Variants in MREG observed in about 807,000 individuals in gnomAD.
MREG encodes the protein dilute suppressor protein homolog.
In MREG, 31 loss-of-function variants were observed where a neutral mutation model predicts 28.5. The observed-to-expected ratio is 1.09, with a 90% CI of 0.82 to 1.47. The LOEUF is 1.47. Ranked by LOEUF, MREG falls within the 40% of genes most tolerant of loss-of-function variation. The probability of loss-of-function intolerance (pLI) is 0.00; values close to 1 mark genes in which losing one functional copy is unlikely to be tolerated. For synonymous variants in MREG, 106 were observed against 95.2 expected (o/e 1.11, Z -0.66); for missense variants, 256 against 257.4 (o/e 0.99, Z 0.04).
intron 2 of MREG, among the ~76,000 whole-genome samples, chr2:215,949,087 C>CTAATAATAATAA (rs58773562): frequency 1.6e-4 from 20 of 124,580 alleles, no homozygotes; most frequent in Admixed American, 3.5e-4. Flanking sequence ...ACTACTACTA[C>CTAATAATAATAA]TAATAATAAT....
intron 1 of MREG, among the ~76,000 whole-genome samples, chr2:216,003,653 C>A (rs575912796): frequency 6.6e-6 from 1 of 152,306 alleles, no homozygotes; most frequent in Admixed American, 6.5e-5. Flanking sequence ...GTGGTCCCGA[C>A]CAAGCACCTG....
At chr2:215,968,461 A>G (rs1232742761) in intron 2 of MREG, among the ~76,000 whole-genome samples, 1 of 152,186 alleles carries the variant, frequency 6.6e-6, no homozygotes, top group South Asian at 2.1e-4. Context: ...CCCAAAGCTC[A>G]TGGGACAGCT....
chr2:215,969,022 GT>G (rs1403279633), intron 2 of MREG, among the ~76,000 whole-genome samples: 3 of 152,194 alleles, frequency 2.0e-5, no homozygotes, highest in Admixed American at 2.0e-4. Context: ...GCCTCCCAAA[GT>G]GCTGGGATTA....
At chr2:215,967,978 G>T (rs1275776188) in intron 2 of MREG, among the ~76,000 whole-genome samples, 1 of 152,172 alleles carries the variant, frequency 6.6e-6, no homozygotes, top group African/African-American at 2.4e-5. Context: ...CATGAATGAG[G>T]TCTAGCAGCT....
At chr2:215,969,258 G>A (rs1384349528) in intron 2 of MREG, among the ~76,000 whole-genome samples, 2 of 152,036 alleles carry the variant, frequency 1.3e-5, no homozygotes, top group South Asian at 2.1e-4. Flanking sequence ...TTAGTTTCCT[G>A]GTGGATTTCA....
Position 215,947,097 on chromosome 2 carries a change from T to C in MREG, c.272A>G (p.Asn91Ser), listed in dbSNP as rs1350233230. 9 of 1,612,352 alleles carry C rather than the reference T, an allele frequency of 5.6e-6. No individual in the cohort carries two copies. In the Admixed American group the frequency reaches 1.5e-4, roughly 27 times the overall value. Residue 91 changes from asparagine to serine, a missense_variant, in exon 3 of 5, where the codon AAC becomes AGC. Physicochemically the swap from Asn to Ser is conservative, Grantham distance 46. Coordinates refer to ENST00000263268, the MANE Select transcript of MREG (RefSeq NM_018000.3). ...AKDSEEWQKL[N>S]YDIHTLRQVR... is the part of the protein sequence containing the mutation. The stretch of plus-strand genomic sequence containing the variant: ...CTGCCGCAGGGTATGGATATCATAG[T>C]TGAGCTTCTGCCACTCCTGCAGGAA...
chr2:216,023,990 TTAA>T (rs1462204036), intron 1 of MREG, among the ~76,000 whole-genome samples: 1 of 152,142 alleles, frequency 6.6e-6, no homozygotes, highest in Non-Finnish European at 1.5e-5. Flanking sequence ...TGATAAATGC[TTAA>T]TATTAAATAT....
intron 2 of MREG, among the ~76,000 whole-genome samples, chr2:215,982,654 G>A (rs1302898940): frequency 6.6e-6 from 1 of 152,070 alleles, no homozygotes; most frequent in Non-Finnish European, 1.5e-5. Context: ...AACTGCTTGG[G>A]AACTTTGTCT....
chr2:216,033,934 A>G (rs1172293968), upstream of MREG: 1 of 152,176 alleles, frequency 6.6e-6, no homozygotes, highest in African/African-American at 2.4e-5. Flanking sequence ...ACATGGGCTC[A>G]GTAATCGCTA....
At chr2:216,000,925 A>G (rs1693999387) in intron 1 of MREG, among the ~76,000 whole-genome samples, 3 of 152,080 alleles carry the variant, frequency 2.0e-5, no homozygotes, top group African/African-American at 7.2e-5. Flanking sequence ...TTATTTTCCT[A>G]TTTTAAAATG....
At chr2:215,986,121 C>T (rs972454044) in intron 2 of MREG, among the ~76,000 whole-genome samples, 2 of 152,118 alleles carry the variant, frequency 1.3e-5, no homozygotes, top group Non-Finnish European at 1.5e-5. Context: ...TTGCTATAAA[C>T]GTCTTTACAT....
intron 1 of MREG, among the ~76,000 whole-genome samples, chr2:216,028,137 T>C (rs1694623530): frequency 6.6e-6 from 1 of 152,170 alleles, no homozygotes. Flanking sequence ...ATGTAAAACA[T>C]AGGCTTTAAG....
intron 1 of MREG, among the ~76,000 whole-genome samples, chr2:216,030,968 A>ACC (rs1694678899): frequency 6.6e-6 from 1 of 150,630 alleles, no homozygotes; most frequent in Non-Finnish European, 1.5e-5. Flanking sequence ...ACACACACAC[A>ACC]CACACACACA....
At chr2:215,956,311 A>T (rs1408558322) in intron 2 of MREG, among the ~76,000 whole-genome samples, 1 of 152,172 alleles carries the variant, frequency 6.6e-6, no homozygotes, top group South Asian at 2.1e-4. Context: ...GTACCTAGAA[A>T]ATAGTAAATA....
At chr2:215,989,238 A>C (rs546915233) in intron 2 of MREG, among the ~76,000 whole-genome samples, 1 of 152,320 alleles carries the variant, frequency 6.6e-6, no homozygotes, top group East Asian at 1.9e-4. Context: ...TCCGCTGGTG[A>C]TACCCAGGCA....
At position 215,943,225 on chromosome 2, in the gene MREG, C is replaced by T; in HGVS notation, c.*1638G>A. On this transcript the variant is annotated 3_prime_UTR_variant, in exon 5 of 5. Coordinates refer to ENST00000263268, the MANE Select transcript of MREG (RefSeq NM_018000.3). ...AATCTATGGATTAACCTTACAAATC[C>T]TTAAAGTCTTTTCAGTAACATGAAC... 1 of 299,270 alleles carries T rather than the reference C, an allele frequency of 3.3e-6. No homozygotes were observed. The highest frequency in any genetic ancestry group is 6.7e-6 in the Non-Finnish European group (1 of 148,762). The allele number at this position is 299,270 out of a possible 1,614,324, so 18.5% of individuals were successfully genotyped here. A position where few individuals can be genotyped will look rare whatever the true frequency, so the allele number is the denominator to read the frequency against.
At chr2:215,978,999 G>A (rs924538585) in intron 2 of MREG, among the ~76,000 whole-genome samples, 1 of 152,140 alleles carries the variant, frequency 6.6e-6, no homozygotes, top group African/African-American at 2.4e-5. Flanking sequence ...GGACACATCG[G>A]GTAGAATTTG....
intron 1 of MREG, among the ~76,000 whole-genome samples, chr2:216,008,430 T>C (rs1305737205): frequency 6.6e-6 from 1 of 152,180 alleles, no homozygotes; most frequent in Non-Finnish European, 1.5e-5. Context: ...AAAGAAGAAA[T>C]GGAAAGAATG....
chr2:215,996,219 T>G, intron 2 of MREG, 87 bp downstream of exon 2: 1 of 1,322,262 alleles, frequency 7.6e-7, no homozygotes, highest in Non-Finnish European at 1.0e-6. Flanking sequence ...TCATTCTTTT[T>G]GTTATTTCAA....
Sources: gnomAD v4.1 joint callset for allele counts (sites outside exome capture counted in the v4.1 genomes callset) on GRCh38, gnomAD v4.1.1 for gene constraint, MANE v1.5 for transcripts, NCBI Gene and HGNC (gene_info 2026-07-23, HGNC 2026-07-21) for gene names.